Variants in LNPEP observed in about 807,000 individuals in gnomAD.
The protein encoded by LNPEP is leucyl-cystinyl aminopeptidase.
A neutral mutation model predicts 120.6 loss-of-function variants in LNPEP; 64 were observed. The observed-to-expected ratio is 0.53, with a 90% CI of 0.43 to 0.65. The LOEUF is 0.65. Among genes scored for constraint, LNPEP ranks in the 30% least tolerant of loss-of-function variants. LNPEP has a pLI of 0.00. For synonymous variants in LNPEP, 435 were observed against 425.4 expected (o/e 1.02, Z -0.28); for missense variants, 1,057 against 1,200.0 (o/e 0.88, Z 1.76).
chr5:96,977,783 T>C (rs1790035629), intron 1 of LNPEP, among the ~76,000 whole-genome samples: 1 of 152,190 alleles, frequency 6.6e-6, no homozygotes, highest in African/African-American at 2.4e-5. Flanking sequence ...TAAGCTTTGC[T>C]CTCCTGATGG....
At chr5:96,996,811 G>C (rs1790525968) in intron 7 of LNPEP, among the ~76,000 whole-genome samples, 1 of 151,778 alleles carries the variant, frequency 6.6e-6, no homozygotes, top group African/African-American at 2.4e-5. Context: ...TCTGCTTGCA[G>C]GAATTTAAAG....
At chr5:96,993,509 A>G (rs975192023) in intron 5 of LNPEP, among the ~76,000 whole-genome samples, 3 of 152,206 alleles carry the variant, frequency 2.0e-5, no homozygotes, top group Non-Finnish European at 2.9e-5. Context: ...AGCTAGTCCT[A>G]GAGAGTAGAG....
intron 8 of LNPEP, among the ~76,000 whole-genome samples, chr5:96,999,934 C>A (rs1302866688): frequency 6.6e-6 from 1 of 151,796 alleles, no homozygotes; most frequent in African/African-American, 2.4e-5. Context: ...AATCATCAAG[C>A]CTAATTCTGA....
intron 8 of LNPEP, among the ~76,000 whole-genome samples, chr5:96,999,851 T>A (rs914419391): frequency 4.6e-5 from 7 of 151,756 alleles, no homozygotes; most frequent in Admixed American, 3.9e-4. Flanking sequence ...AGATAACTTA[T>A]CAGTATTGTG....
intron 15 of LNPEP, among the ~76,000 whole-genome samples, chr5:97,025,070 T>C (rs1195556092): frequency 6.6e-6 from 1 of 152,218 alleles, no homozygotes; most frequent in Non-Finnish European, 1.5e-5. Context: ...TTAAACCTTC[T>C]AGGTTCTACG....
chr5:96,974,413 A>G (rs1404700848), intron 1 of LNPEP, among the ~76,000 whole-genome samples: 1 of 148,630 alleles, frequency 6.7e-6, no homozygotes, highest in Non-Finnish European at 1.5e-5. Context: ...TTTCTTGTAC[A>G]CTCTCCCTGT....
rs770734041 is a variant in LNPEP, at chr5:97,013,605, A to G, written c.2036-43A>G. On this transcript the variant is annotated intron_variant, in intron 11 of 17. Transcript: ENST00000231368. ...ACTCATAATTTTTTTTTCTTGTCCA[A>G]TTGTCTTCTCTCTCAATCTCTCATT... is the stretch of plus-strand genomic sequence containing the variant. 4.5e-5 allele frequency: 53 copies of G among 1,185,356 alleles called. No homozygotes were observed. In the East Asian group the frequency reaches 6.6e-4, roughly 15 times the overall value. The allele number at this position is 1,185,356 out of a possible 1,614,324, so 73.4% of individuals were successfully genotyped here.
intron 1 of LNPEP, among the ~76,000 whole-genome samples, chr5:96,974,744 G>A (rs1789947540): frequency 6.6e-6 from 1 of 151,990 alleles, no homozygotes; most frequent in Non-Finnish European, 1.5e-5. Context: ...CTGGTTCCCT[G>A]GTTACCAAAT....
chr5:97,026,628 G>T lies in LNPEP; in HGVS notation c.2735G>T (p.Ser912Ile). The T allele has an allele frequency of 6.2e-7, 1 of 1,612,838 alleles. No individual in the cohort carries two copies. The highest frequency in any genetic ancestry group is 8.5e-7 in the Non-Finnish European group (1 of 1,179,098). The change falls in exon 16 of 18, where the codon AGT becomes ATT. Residue 912 changes from serine to isoleucine, a missense_variant. Coordinates refer to ENST00000231368, the MANE Select transcript of LNPEP (RefSeq NM_005575.3). ...DVRKLYWLMK[S>I]SLNGDNFRTQ... is the part of the protein sequence containing the mutation. Reference sequence around the variant, plus strand: ...GCTTTGCTCTTCAGGTTAATGAAAAGTAGCCTGAATGGAGATAACTTCCGA... The same window carrying T: ...GCTTTGCTCTTCAGGTTAATGAAAATTAGCCTGAATGGAGATAACTTCCGA...
At chr5:97,009,883 T>C (rs540438062) in intron 11 of LNPEP, among the ~76,000 whole-genome samples, 2 of 152,318 alleles carry the variant, frequency 1.3e-5, no homozygotes, top group Admixed American at 6.5e-5. Flanking sequence ...ACTTCAGGCT[T>C]CTTTTATGCT....
At chr5:96,977,808 T>C (rs1215912586) in intron 1 of LNPEP, among the ~76,000 whole-genome samples, 1 of 152,186 alleles carries the variant, frequency 6.6e-6, no homozygotes, top group Non-Finnish European at 1.5e-5. Flanking sequence ...ATAATACTCT[T>C]AGCAACTTCA....
chr5:97,013,052 C>T (rs1018284909), intron 11 of LNPEP, among the ~76,000 whole-genome samples: 4 of 152,152 alleles, frequency 2.6e-5, no homozygotes, highest in Non-Finnish European at 5.9e-5. Context: ...CTGCCTCATC[C>T]TACACCTTTA....
chr5:97,012,669 C>A (rs1021794613), intron 11 of LNPEP, among the ~76,000 whole-genome samples: 4 of 152,080 alleles, frequency 2.6e-5, no homozygotes, highest in Non-Finnish European at 5.9e-5. Flanking sequence ...ATCCTTGTTG[C>A]CAACTTTAAA....
chr5:97,014,184 C>A (rs144636036), intron 12 of LNPEP, among the ~76,000 whole-genome samples: 14 of 152,248 alleles, frequency 9.2e-5, no homozygotes, highest in African/African-American at 3.4e-4. Flanking sequence ...AGTGCTTATG[C>A]ATTGGTTTTG....
In LNPEP at chr5:96,986,738, G is replaced by T. The variant is rs1582005892; in HGVS notation, c.1131+68G>T. On this transcript the variant is annotated intron_variant, in intron 4 of 17. Transcript: ENST00000231368. Reference sequence around the variant, plus strand: ...GGCTCAGAGGACCTCTTGCTTTAACGATTCCTGGTATTTGCTGTGTGAAAT... The same window carrying T: ...GGCTCAGAGGACCTCTTGCTTTAACTATTCCTGGTATTTGCTGTGTGAAAT... 3 of 1,401,606 alleles carry T rather than the reference G, an allele frequency of 2.1e-6. No individual in the cohort carries two copies. The East Asian group carries it at 7.0e-5, about 33-fold the overall frequency. The allele number at this position is 1,401,606 out of a possible 1,614,324, so 86.8% of individuals were successfully genotyped here.
At chr5:97,006,920 G>T (rs1216481364) in intron 11 of LNPEP, among the ~76,000 whole-genome samples, 1 of 152,154 alleles carries the variant, frequency 6.6e-6, no homozygotes, top group Non-Finnish European at 1.5e-5. Context: ...GTTTATTCAT[G>T]ATTGGATTTA....
chr5:96,969,115 A>G (rs1435847280), intron 1 of LNPEP, among the ~76,000 whole-genome samples: 1 of 152,108 alleles, frequency 6.6e-6, no homozygotes, highest in Non-Finnish European at 1.5e-5. Flanking sequence ...CTTCAAAATG[A>G]GGGCTTTTTT....
chr5:97,036,338 G>A lies in LNPEP; in HGVS notation c.*7805G>A, dbSNP rs1241994164. ...TTGTGTGACTGCATCTTTCTCCTCC[G>A]TTCTCCATTGTGTGCTTTCCATTTT... On this transcript the variant is annotated 3_prime_UTR_variant, in exon 18 of 18. Coordinates refer to ENST00000231368, the MANE Select transcript of LNPEP (RefSeq NM_005575.3). 2.0e-5 allele frequency: 3 copies of A among 152,058 alleles called. No homozygotes were observed. The highest frequency in any genetic ancestry group is 1.3e-4 in the Admixed American group (2 of 15,248). The allele number at this position is 152,058 out of a possible 1,614,324, so 9.4% of individuals were successfully genotyped here.
At chr5:97,006,967 G>A (rs1476865904) in intron 11 of LNPEP, among the ~76,000 whole-genome samples, 1 of 152,112 alleles carries the variant, frequency 6.6e-6, no homozygotes, top group Non-Finnish European at 1.5e-5. Context: ...TGCAGACATA[G>A]TATATGTTTT....
Sources: gnomAD v4.1 joint callset for allele counts (sites outside exome capture counted in the v4.1 genomes callset) on GRCh38, gnomAD v4.1.1 for gene constraint, MANE v1.5 for transcripts, NCBI Gene and HGNC (gene_info 2026-07-23, HGNC 2026-07-21) for gene names.